Variants in IQCE observed in about 807,000 individuals in gnomAD.
IQCE encodes the protein IQ domain-containing protein E.
In IQCE, 115 loss-of-function variants were observed where a neutral mutation model predicts 96.0. That is an observed-to-expected ratio of 1.20 (90% confidence interval 1.03 to 1.40). The LOEUF (loss-of-function observed/expected upper bound fraction) is 1.40, where lower values mean the gene tolerates loss of function less well. Ranked by LOEUF, IQCE falls within the 40% of genes most tolerant of loss-of-function variation. IQCE has a pLI of 0.00. For synonymous variants in IQCE, 412 were observed against 371.2 expected (o/e 1.11, Z -1.26); for missense variants, 1,041 against 909.1 (o/e 1.15, Z -1.87).
intron 18 of IQCE, chr7:2,601,687 T>C: frequency 2.0e-6 from 1 of 501,000 alleles, no homozygotes; most frequent in South Asian, 2.1e-5. Flanking sequence ...GTAGCTGGGA[T>C]TACAGGGATG....
chr7:2,574,902 G>C (rs1380888929), intron 6 of IQCE, among the ~76,000 whole-genome samples: 1 of 152,126 alleles, frequency 6.6e-6, no homozygotes, highest in African/African-American at 2.4e-5. Context: ...TTACTGTCTC[G>C]GTTCAGTTCT....
intron 2 of IQCE, among the ~76,000 whole-genome samples, chr7:2,568,571 C>G (rs551418863): frequency 6.6e-6 from 1 of 152,312 alleles, no homozygotes; most frequent in South Asian, 2.1e-4. Flanking sequence ...GACTTATGTG[C>G]AGGGATTCAT....
In IQCE at chr7:2,593,163, C is replaced by A. The variant is rs371363664; in HGVS notation, c.1349+37C>A. On this transcript the variant is annotated intron_variant, in intron 15 of 21. Coordinates refer to ENST00000402050, the MANE Select transcript of IQCE (RefSeq NM_152558.5). ...GGGTCAGGGCTGGAGAGGACCCAGG[C>A]GAGTCCGCACTCCTGCTACCACTGC... 48 of 1,578,150 alleles carry A rather than the reference C, an allele frequency of 3.0e-5. 1 individual carries two copies. In the Middle Eastern group the frequency reaches 7.8e-4, roughly 26 times the overall value.
intron 21 of IQCE, among the ~76,000 whole-genome samples, chr7:2,608,739 G>C (rs1562689001): frequency 6.6e-6 from 1 of 152,328 alleles, no homozygotes; most frequent in East Asian, 1.9e-4. Flanking sequence ...CTTGCTCAAC[G>C]CAAGTGATTT....
At chr7:2,601,750 G>A (rs1040171301) in intron 18 of IQCE, 10 of 372,306 alleles carry the variant, frequency 2.7e-5, no homozygotes, top group Admixed American at 4.6e-5. Flanking sequence ...GGGTTTCTCC[G>A]TGTTGGCCAG....
intron 1 of IQCE, among the ~76,000 whole-genome samples, chr7:2,563,085 C>G (rs1189350381): frequency 6.6e-6 from 1 of 152,080 alleles, no homozygotes; most frequent in African/African-American, 2.4e-5. Context: ...GCCACCATGC[C>G]TGGCGAATTT....
intron 11 of IQCE, 189 bp downstream of exon 11, chr7:2,584,474 C>T (rs1055875542): frequency 1.6e-6 from 1 of 641,718 alleles, no homozygotes; most frequent in Non-Finnish European, 2.9e-6. Flanking sequence ...ACAGACTCCT[C>T]ATAGTGACCA....
At position 2,614,168 on chromosome 7, in the gene IQCE, C is replaced by G. The variant is rs994297417; in HGVS notation, c.*4006C>G. On this transcript the variant is annotated 3_prime_UTR_variant, in exon 22 of 22. Coordinates refer to ENST00000402050, the MANE Select transcript of IQCE (RefSeq NM_152558.5). ...ATTAGGAAAAGATAGCCCAACCTAG[C>G]TCAGATCCACCAAGATAAGCACAGC... 1 of 152,196 alleles carries G rather than the reference C, an allele frequency of 6.6e-6. No individual in the cohort carries two copies. The highest frequency in any genetic ancestry group is 2.4e-5 in the African/African-American group (1 of 41,438). 9.4% of individuals were successfully genotyped at this position (152,196 alleles called of 1,614,324 possible). A position where few individuals can be genotyped will look rare whatever the true frequency, so the allele number is the denominator to read the frequency against.
At chr7:2,591,472 T>G (rs1393059892) in intron 14 of IQCE, among the ~76,000 whole-genome samples, 1 of 152,096 alleles carries the variant, frequency 6.6e-6, no homozygotes, top group South Asian at 2.1e-4. Flanking sequence ...CTCTCTAGTT[T>G]GCAAGAACTA....
At chr7:2,604,851 CT>C (rs754715028) in intron 18 of IQCE, 29 bp from the exon 19 acceptor site, 1 of 1,585,934 alleles carries the variant, frequency 6.3e-7, no homozygotes, top group East Asian at 2.2e-5. Flanking sequence ...CTCACACCCA[CT>C]TTTCTCTCCC....
At chr7:2,602,860 G>A (rs1000773680) in intron 18 of IQCE, among the ~76,000 whole-genome samples, 13 of 152,228 alleles carry the variant, frequency 8.5e-5, no homozygotes, top group Admixed American at 3.3e-4. Flanking sequence ...TGGCCTGCGC[G>A]CAGCTGCAGT....
intron 1 of IQCE, among the ~76,000 whole-genome samples, chr7:2,562,691 C>T (rs1373158821): frequency 6.6e-6 from 1 of 151,130 alleles, no homozygotes; most frequent in African/African-American, 2.4e-5. Flanking sequence ...TTCAAAGAAC[C>T]AACTTTTGGT....
rs755401206 is a variant in IQCE, at chr7:2,571,611, G to A, written c.216G>A (p.Ala72=). The part of the protein sequence containing the change: ...TAGSMPLGGR[A]SLTPQKLWLG... The stretch of plus-strand genomic sequence containing the variant: ...GGAGCATGCCTCTGGGCGGCCGAGC[G>A]TCCCTGACCCCGCAGAAGCTGTGGC... Residue 72 remains alanine (A), a synonymous_variant, in exon 4 of 22, where the codon GCG becomes GCA. Transcript: ENST00000402050. 12 of 1,601,448 alleles carry A rather than the reference G, an allele frequency of 7.5e-6. No homozygotes were observed. The highest frequency in any genetic ancestry group is 2.7e-5 in the African/African-American group (2 of 74,924).
intron 13 of IQCE, among the ~76,000 whole-genome samples, chr7:2,588,602 C>G (rs1455763330): frequency 6.9e-6 from 1 of 144,774 alleles, no homozygotes. Flanking sequence ...ATCCACCCAC[C>G]TTGGCCTCCT....
rs377084597 is a variant in IQCE at position 2,579,729 on chromosome 7, G to GTGTGTGTGTGTC, written c.630+1212_630+1213insGTCTGTGTGTGT. Among the ~76,000 whole-genome samples, 285 of 147,910 alleles carry GTGTGTGTGTGTC rather than the reference G, an allele frequency of 1.9e-3. 4 individuals are homozygous for GTGTGTGTGTGTC. The highest frequency in any genetic ancestry group is 6.2e-3 in the African/African-American group (245 of 39,592). On this transcript the variant is annotated intron_variant, in intron 8 of 21. Coordinates refer to ENST00000402050, the MANE Select transcript of IQCE (RefSeq NM_152558.5). ...TGTGTGTGTGTGTGTGTGTGTGTGT[G>GTGTGTGTGTGTC]TGTGTGTGTCTGTGGGTATTTTTTT...
chr7:2,595,010 G>A (rs1179984627), intron 16 of IQCE, 34 bp downstream of exon 16: 2 of 1,450,302 alleles, frequency 1.4e-6, no homozygotes, highest in Non-Finnish European at 1.9e-6. Context: ...CTCCCGTCAG[G>A]TGCGGTGAGA....
intron 6 of IQCE, among the ~76,000 whole-genome samples, chr7:2,576,277 C>T (rs1210674635): frequency 2.0e-5 from 3 of 152,166 alleles, no homozygotes; most frequent in African/African-American, 4.8e-5. Flanking sequence ...TGGTGAGCTG[C>T]GGCACAGCCC....
intron 20 of IQCE, among the ~76,000 whole-genome samples, 185 bp from the exon 21 acceptor site, chr7:2,606,939 G>A (rs897949063): frequency 6.6e-6 from 1 of 152,096 alleles, no homozygotes; most frequent in Non-Finnish European, 1.5e-5. Context: ...GCTCTTCACC[G>A]CCGGACGTTT....
chr7:2,598,182 C>G, intron 16 of IQCE: 1 of 327,380 alleles, frequency 3.1e-6, no homozygotes, highest in African/African-American at 2.1e-5. Flanking sequence ...TGTGAAGAAG[C>G]GTCCTCTCTC....
Sources: allele counts gnomAD v4.1 joint callset (sites outside exome capture counted in the v4.1 genomes callset), GRCh38; gene constraint gnomAD v4.1.1; transcripts MANE v1.5; gene names NCBI Gene and HGNC (gene_info 2026-07-23, HGNC 2026-07-21).